DGKB: variants seen among roughly 807,000 people sequenced by gnomAD.
DGKB encodes the protein 90 kDa diacylglycerol kinase.
DGKB carries 67 observed loss-of-function variants against 114.3 expected under a neutral mutation model. The observed-to-expected ratio is 0.59, with a 90% confidence interval of 0.48 to 0.72. The LOEUF (loss-of-function observed/expected upper bound fraction) is 0.72. Among genes scored for constraint, DGKB ranks in the 30% least tolerant of loss-of-function variants. The pLI is 0.00. For synonymous variants in DGKB, 398 were observed against 323.1 expected (o/e 1.23, Z -2.49); for missense variants, 907 against 975.2 (o/e 0.93, Z 0.93).
chr7:14,572,497 A>T (rs1798553284), intron 20 of DGKB, among the ~76,000 whole-genome samples: 1 of 152,008 alleles, frequency 6.6e-6, no homozygotes, highest in Admixed American at 6.6e-5. Context: ...TATAGTAACA[A>T]TGACTCTCCA....
At chr7:14,801,925 T>TACACACACAC (rs142456381) in intron 2 of DGKB, among the ~76,000 whole-genome samples, 3,036 of 148,036 alleles carry the variant, frequency 0.021, 45 homozygotes, top group Non-Finnish European at 0.036. Flanking sequence ...TATATACATA[T>TACACACACAC]ACACACACAC....
chr7:14,958,477 C>CACA (rs1562903995), intron 1 of DGKB, among the ~76,000 whole-genome samples: 1 of 84,780 alleles, frequency 1.2e-5, no homozygotes, highest in Non-Finnish European at 2.4e-5. Flanking sequence ...ACACACACAC[C>CACA]CCGTCCAGGA....
At chr7:14,672,805 A>T in intron 13 of DGKB, 124 bp downstream of exon 13, 1 of 507,766 alleles carries the variant, frequency 2.0e-6, no homozygotes, top group Non-Finnish European at 3.5e-6. Flanking sequence ...GTAACGACGT[A>T]TTTTAGATCT....
At chr7:14,319,015 T>C (rs1372287863) in intron 23 of DGKB, among the ~76,000 whole-genome samples, 4 of 151,990 alleles carry the variant, frequency 2.6e-5, no homozygotes, top group African/African-American at 4.8e-5. Context: ...GAAACCATCA[T>C]TCTCAGTAAA....
chr7:14,192,101 T>C, intron 23 of DGKB: 1 of 402,274 alleles, frequency 2.5e-6, no homozygotes, highest in Non-Finnish European at 4.9e-6. Context: ...AGGCTGCTGA[T>C]GGTGGAAAGG....
intron 23 of DGKB, among the ~76,000 whole-genome samples, chr7:14,230,837 C>T (rs1791608025): frequency 6.6e-6 from 1 of 152,030 alleles, no homozygotes; most frequent in South Asian, 2.1e-4. Context: ...TCCATATTTA[C>T]TACTAAGTCA....
intron 21 of DGKB, among the ~76,000 whole-genome samples, chr7:14,368,494 T>C (rs536308968): frequency 1.7e-4 from 26 of 152,188 alleles, no homozygotes; most frequent in Non-Finnish European, 2.9e-4. Context: ...GCATTAATCA[T>C]CAGCTTGAGT....
At chr7:14,736,620 T>G (rs1474753431) in intron 4 of DGKB, among the ~76,000 whole-genome samples, 1 of 152,216 alleles carries the variant, frequency 6.6e-6, no homozygotes, top group South Asian at 2.1e-4. Context: ...GAGAAAGGAA[T>G]TTTCCATATT....
intron 23 of DGKB, among the ~76,000 whole-genome samples, chr7:14,217,421 C>A (rs1336578097): frequency 2.0e-5 from 3 of 151,942 alleles, no homozygotes; most frequent in Non-Finnish European, 1.5e-5. Context: ...TGTATAATTT[C>A]ACTTTTTCCA....
At chr7:14,441,091 C>G (rs1282265285) in intron 21 of DGKB, among the ~76,000 whole-genome samples, 1 of 151,984 alleles carries the variant, frequency 6.6e-6, no homozygotes, top group East Asian at 1.9e-4. Flanking sequence ...ATCCTGCAAC[C>G]TCCACCTCCA....
intron 2 of DGKB, among the ~76,000 whole-genome samples, chr7:14,794,607 T>A (rs1454652891): frequency 6.6e-6 from 1 of 152,154 alleles, no homozygotes; most frequent in African/African-American, 2.4e-5. Flanking sequence ...CCTTATCTCC[T>A]AGAGCTGCAG....
At chr7:14,381,737 G>A (rs911950670) in intron 21 of DGKB, among the ~76,000 whole-genome samples, 1 of 152,170 alleles carries the variant, frequency 6.6e-6, no homozygotes, top group African/African-American at 2.4e-5. Context: ...AGCTTCTCCA[G>A]TAGCTGGAAC....
At chr7:14,390,078 A>G (rs1368390473) in intron 21 of DGKB, among the ~76,000 whole-genome samples, 1 of 152,192 alleles carries the variant, frequency 6.6e-6, no homozygotes, top group Non-Finnish European at 1.5e-5. Flanking sequence ...TAATTTGAGT[A>G]TGAGGAGGCA....
At chr7:14,909,141 C>G (rs1783855946) in intron 1 of DGKB, among the ~76,000 whole-genome samples, 1 of 152,156 alleles carries the variant, frequency 6.6e-6, no homozygotes, top group Non-Finnish European at 1.5e-5. Context: ...TTCTATTGTA[C>G]ATTTCCTGCA....
In DGKB at chr7:14,944,314, T is replaced by C. The variant is rs550657427; in HGVS notation, c.-188+30382A>G. 3.7e-4 allele frequency among the ~76,000 whole-genome samples: 56 copies of C among 151,950 alleles called. 1 individual carries two copies. In the South Asian group the frequency reaches 1.0e-2, roughly 27 times the overall value. Reference sequence around the variant, plus strand: ...TTAACACCAATAGCAAGTAATAGAATTGTCAGTATTGAAATTACCTAATGA... The same window carrying C: ...TTAACACCAATAGCAAGTAATAGAACTGTCAGTATTGAAATTACCTAATGA... On this transcript the variant is annotated intron_variant, in intron 1 of 4. Transcript: ENST00000437998.
chr7:14,927,871 T>A (rs1784824794), intron 1 of DGKB, among the ~76,000 whole-genome samples: 2 of 152,038 alleles, frequency 1.3e-5, no homozygotes, highest in South Asian at 4.1e-4. Flanking sequence ...GCTCTAAAAT[T>A]TCTGATTTTG....
intron 17 of DGKB, among the ~76,000 whole-genome samples, chr7:14,585,993 G>C (rs1475856706): frequency 6.6e-6 from 1 of 152,036 alleles, no homozygotes; most frequent in East Asian, 1.9e-4. Flanking sequence ...AGACACAACA[G>C]TATTGAAATT....
rs1299456772 is a variant in DGKB at position 14,558,601 on chromosome 7, T to G, written c.1770+15611A>C. On this transcript the variant is annotated intron_variant, in intron 20 of 25. Transcript: ENST00000402815. ...GTAATTGATTTTAATAAATTGTTCA[T>G]GGATATTCCAGAAAACACACATATT... 1.3e-5 allele frequency among the ~76,000 whole-genome samples: 2 copies of G among 152,202 alleles called. 1 individual carries two copies. Among genetic ancestry groups the G allele is most frequent in the South Asian group, 4.1e-4 (2 of 4,828 alleles).
intron 1 of DGKB, among the ~76,000 whole-genome samples, chr7:14,942,377 G>A (rs1785614663): frequency 6.6e-6 from 1 of 151,860 alleles, no homozygotes. Flanking sequence ...TAATTTAATA[G>A]TAAGAACATT....
Sources: gnomAD v4.1 joint callset for allele counts (sites outside exome capture counted in the v4.1 genomes callset) on GRCh38, gnomAD v4.1.1 for gene constraint, MANE v1.5 for transcripts, NCBI Gene and HGNC (gene_info 2026-07-23, HGNC 2026-07-21) for gene names.